ARHGAP44: variants seen among roughly 807,000 people sequenced by gnomAD.
ARHGAP44 encodes the protein rho GTPase-activating protein 44.
In ARHGAP44, 43 loss-of-function variants were observed where a neutral mutation model predicts 106.8. The observed-to-expected ratio is 0.40, with a 90% CI of 0.32 to 0.52. The LOEUF (loss-of-function observed/expected upper bound fraction) is 0.52. Among genes scored for constraint, ARHGAP44 ranks in the 20% least tolerant of loss-of-function variants. The pLI is 0.48. For synonymous variants in ARHGAP44, 439 were observed against 410.3 expected, an observed-to-expected ratio of 1.07 and a Z score of -0.85; for missense variants, 866 against 1,050.5, an observed-to-expected ratio of 0.82 and a Z score of 2.43.
At chr17:12,860,880 G>C (rs1351164126) in intron 1 of ARHGAP44, among the ~76,000 whole-genome samples, 1 of 85,214 alleles carries the variant, frequency 1.2e-5, no homozygotes, top group Non-Finnish European at 2.2e-5. Context: ...TTTTTTTTTT[G>C]AGACAAGGTC....
At position 12,792,875 on chromosome 17, in the gene ARHGAP44, G is replaced by T. The variant is rs192326677; in HGVS notation, c.53+2984G>T. On this transcript the variant is annotated intron_variant, in intron 1 of 20. Transcript: ENST00000379672. ...TCCAAGTCATATTAAGGGCGTCAGC[G>T]ACTATGAAAAGATTTGATAAAACCC... 8.9e-4 allele frequency among the ~76,000 whole-genome samples: 135 copies of T among 152,264 alleles called. 1 individual carries two copies. Among genetic ancestry groups the T allele is most frequent in the African/African-American group, 3.0e-3 (124 of 41,548 alleles).
At chr17:12,814,839 G>GA (rs940119771) in intron 1 of ARHGAP44, among the ~76,000 whole-genome samples, 3 of 151,320 alleles carry the variant, frequency 2.0e-5, no homozygotes, top group African/African-American at 7.3e-5. Flanking sequence ...TTATCTTTCT[G>GA]AAAAAAACCC....
At chr17:12,969,427 C>T (rs2039472343) in intron 16 of ARHGAP44, among the ~76,000 whole-genome samples, 1 of 152,128 alleles carries the variant, frequency 6.6e-6, no homozygotes, top group Non-Finnish European at 1.5e-5. Context: ...TGGCTCCTTA[C>T]AACAAATCGA....
chr17:12,881,849 G>A (rs1254971491), intron 1 of ARHGAP44, among the ~76,000 whole-genome samples: 2 of 151,760 alleles, frequency 1.3e-5, no homozygotes, highest in Non-Finnish European at 2.9e-5. Flanking sequence ...ATGCATCTTC[G>A]CACCCAGCTA....
At position 12,952,558 on chromosome 17, in the gene ARHGAP44, CA is replaced by C; in HGVS notation, c.1115del (p.Lys372ArgfsTer10). 6.3e-7 allele frequency: 1 copy of C among 1,575,284 alleles called. No homozygotes were observed. The highest frequency in any genetic ancestry group is 1.8e-5 in the Admixed American group (1 of 54,314). On this transcript the variant is annotated frameshift_variant, in exon 13 of 21. Transcript: ENST00000379672. LOFTEE classifies it high-confidence loss of function. The part of the protein sequence containing the change: ...ALWNACEKLP[K>X]ANHNNIRYLI... ...TATGGAATGCTTGTGAAAAGTTGCCCAAGGCCAATCACAACAACATCCGGTA... is the reference window on the plus strand; with the variant it reads ...TATGGAATGCTTGTGAAAAGTTGCCCAGGCCAATCACAACAACATCCGGTA...
chr17:12,821,306 T>A (rs1041396120), intron 1 of ARHGAP44, among the ~76,000 whole-genome samples: 2 of 152,188 alleles, frequency 1.3e-5, no homozygotes, highest in African/African-American at 4.8e-5. Flanking sequence ...TAGAAAACAA[T>A]GTTATCAGTA....
intron 1 of ARHGAP44, among the ~76,000 whole-genome samples, chr17:12,859,290 C>T (rs1282889964): frequency 6.6e-6 from 1 of 152,180 alleles, no homozygotes; most frequent in Non-Finnish European, 1.5e-5. Context: ...AGAACCAACC[C>T]TGCTGACACC....
chr17:12,976,183 A>G (rs1413085223), intron 18 of ARHGAP44, among the ~76,000 whole-genome samples: 2 of 152,052 alleles, frequency 1.3e-5, no homozygotes, highest in African/African-American at 2.4e-5. Context: ...TCTTTCTCCA[A>G]ACACACATGC....
intron 3 of ARHGAP44, 103 bp downstream of exon 3, chr17:12,896,614 C>G: frequency 1.0e-6 from 1 of 1,000,558 alleles, no homozygotes. Context: ...TAGCTGCTTA[C>G]GTGCCTGAGA....
intron 3 of ARHGAP44, among the ~76,000 whole-genome samples, chr17:12,900,585 C>T (rs954321136): frequency 6.6e-6 from 1 of 152,178 alleles, no homozygotes; most frequent in Non-Finnish European, 1.5e-5. Flanking sequence ...AGTGTTTCTC[C>T]ACCTTATTCA....
At chr17:12,855,682 C>A (rs2035886691) in intron 1 of ARHGAP44, among the ~76,000 whole-genome samples, 1 of 152,140 alleles carries the variant, frequency 6.6e-6, no homozygotes, top group East Asian at 1.9e-4. Context: ...TCCCATACTT[C>A]TTTGGACTGT....
intron 7 of ARHGAP44, among the ~76,000 whole-genome samples, chr17:12,931,321 C>G (rs2038393251): frequency 6.6e-6 from 1 of 152,144 alleles, no homozygotes; most frequent in Admixed American, 6.5e-5. Flanking sequence ...ATCTGCCCGC[C>G]TCAGCCTCCC....
At chr17:12,887,438 A>G (rs995112077) in intron 1 of ARHGAP44, among the ~76,000 whole-genome samples, 1 of 151,840 alleles carries the variant, frequency 6.6e-6, no homozygotes, top group African/African-American at 2.4e-5. Flanking sequence ...TTGGGGTTTT[A>G]TTATGTTGTC....
At chr17:12,947,644 T>C (rs2038889637) in intron 10 of ARHGAP44, among the ~76,000 whole-genome samples, 1 of 152,230 alleles carries the variant, frequency 6.6e-6, no homozygotes, top group Non-Finnish European at 1.5e-5. Context: ...TATGCTTTGC[T>C]CAGTTACACA....
Position 12,974,142 on chromosome 17 carries a change from C to G in ARHGAP44, c.1595C>G (p.Ala532Gly). 2.6e-6 allele frequency: 4 copies of G among 1,564,604 alleles called. No homozygotes were observed. Among genetic ancestry groups the G allele is most frequent in the Non-Finnish European group, 3.5e-6 (4 of 1,155,058 alleles). ...TGGGTGGCTCGAAGAGGCTCCTCGGCCGGTCGGAAAGTGTCCTGCGCCCCG... is the reference window on the plus strand; with the variant it reads ...TGGGTGGCTCGAAGAGGCTCCTCGGGCGGTCGGAAAGTGTCCTGCGCCCCG... ...TNWVARRGSS[A>G]GRKVSCAPPS... Residue 532 changes from alanine (A) to glycine (G), a missense_variant, in exon 18 of 21, where the codon GCC becomes GGC. Around this residue, in one of 2 missense-constraint regions of ARHGAP44, gnomAD observed 418 missense variants for 403.6 expected, o/e 1.04. Transcript: ENST00000379672.
In ARHGAP44 at chr17:12,974,265, T is replaced by G. The variant is rs960241398; in HGVS notation, c.1718T>G (p.Leu573Arg). The G allele has an allele frequency of 5.3e-6, 8 of 1,505,664 alleles. No homozygotes were observed. The African/African-American group carries it at 1.0e-4, about 19-fold the overall frequency. 93.3% of individuals were successfully genotyped at this position (1,505,664 alleles called of 1,614,324 possible). A position where few individuals can be genotyped will look rare whatever the true frequency, so the allele number is the denominator to read the frequency against. Residue 573 changes from leucine to arginine, a missense_variant, in exon 18 of 21, where the codon CTC becomes CGC. Coordinates refer to ENST00000379672, the MANE Select transcript of ARHGAP44 (RefSeq NM_014859.6). ...QPLDSPAAPA[L>R]SPSGLGLQPG... ...CTGGACAGCCCCGCGGCCCCCGCGC[T>G]CTCTCCATCCGGCCTGGGCCTCCAG... is the stretch of plus-strand genomic sequence containing the variant.
Position 12,803,705 on chromosome 17 carries a change from C to T in ARHGAP44, c.53+13814C>T, listed in dbSNP as rs1456223044. 3.3e-5 allele frequency among the ~76,000 whole-genome samples: 5 copies of T among 152,204 alleles called. No homozygotes were observed. In the East Asian group the frequency reaches 7.7e-4, roughly 24 times the overall value. On this transcript the variant is annotated intron_variant, in intron 1 of 20. Coordinates refer to ENST00000379672, the MANE Select transcript of ARHGAP44 (RefSeq NM_014859.6). Reference sequence around the variant, plus strand: ...AGGGACTCCTTTCTTTGTATTCTTGCCCTTAGCCTCTTCTTCCTCTGACTT... The same window carrying T: ...AGGGACTCCTTTCTTTGTATTCTTGTCCTTAGCCTCTTCTTCCTCTGACTT...
intron 1 of ARHGAP44, among the ~76,000 whole-genome samples, chr17:12,838,658 C>G (rs967030203): frequency 6.6e-6 from 1 of 152,128 alleles, no homozygotes; most frequent in Non-Finnish European, 1.5e-5. Context: ...ATTCACCCCC[C>G]ACCCATCTCC....
At chr17:12,846,057 C>T (rs566056994) in intron 1 of ARHGAP44, among the ~76,000 whole-genome samples, 2 of 151,036 alleles carry the variant, frequency 1.3e-5, no homozygotes, top group South Asian at 2.1e-4. Flanking sequence ...TGTTTTTCAC[C>T]GTTATGAGGA....
Sources: allele counts gnomAD v4.1 joint callset (sites outside exome capture counted in the v4.1 genomes callset), GRCh38; gene constraint gnomAD v4.1.1; regional missense constraint gnomAD v4.1.1; transcripts MANE v1.5; gene names NCBI Gene and HGNC (gene_info 2026-07-23, HGNC 2026-07-21).